SANBR: variants seen among roughly 807,000 people sequenced by gnomAD.
SANBR encodes the protein SANT and BTB domain regulator of class switch recombination.
Under a neutral mutation model 101.8 loss-of-function variants are expected in SANBR, and 77 were observed. That is an observed-to-expected ratio of 0.76 (90% CI 0.63 to 0.91). The LOEUF (loss-of-function observed/expected upper bound fraction) is 0.91, where lower values mean the gene tolerates loss of function less well. SANBR is among the 40% of genes least tolerant of loss of function. SANBR has a pLI of 0.00. For synonymous variants in SANBR, 279 were observed against 274.7 expected, an observed-to-expected ratio of 1.02 and a Z score of -0.15; for missense variants, 875 against 853.0, an observed-to-expected ratio of 1.03 and a Z score of -0.32.
intron 16 of SANBR, among the ~76,000 whole-genome samples, chr2:61,110,298 C>G (rs1683768200): frequency 6.6e-6 from 1 of 152,156 alleles, no homozygotes; most frequent in African/African-American, 2.4e-5. Context: ...AATCCCAGCA[C>G]TTTGGGAAGC....
chr2:61,097,576 A>G, intron 11 of SANBR, 124 bp from the exon 12 acceptor site: 1 of 697,380 alleles, frequency 1.4e-6, no homozygotes, highest in South Asian at 2.0e-5. Context: ...TTGTGTCTGT[A>G]TAGATTGGCT....
At chr2:61,133,583 T>C (rs1177316746) in intron 20 of SANBR, among the ~76,000 whole-genome samples, 7 of 152,048 alleles carry the variant, frequency 4.6e-5, no homozygotes, top group Non-Finnish European at 8.8e-5. Flanking sequence ...CGAGACCCTA[T>C]CTCTACAAAA....
intron 7 of SANBR, among the ~76,000 whole-genome samples, chr2:61,082,502 C>CT (rs1682186892): frequency 6.6e-6 from 1 of 152,124 alleles, no homozygotes; most frequent in African/African-American, 2.4e-5. Context: ...GAAAAGGAGG[C>CT]TTAAAGTTCT....
intron 10 of SANBR, chr2:61,090,439 A>G (rs1682680702): frequency 6.6e-6 from 1 of 152,152 alleles, no homozygotes; most frequent in South Asian, 2.1e-4. Flanking sequence ...ATTTTCCTAC[A>G]TGTCAGCAGT....
In SANBR at chr2:61,118,052, C is replaced by G; in HGVS notation, c.1964C>G (p.Thr655Arg). ...GATCAACGGCGAATGACTGAAATTACAGGGCACCTAATAAAAATGAGATTG... is the reference window on the plus strand; with the variant it reads ...GATCAACGGCGAATGACTGAAATTAGAGGGCACCTAATAAAAATGAGATTG... Reference protein sequence around the residue: ...EDDQRRMTEITGHLIKMRLGD... With the variant: ...EDDQRRMTEIRGHLIKMRLGD... The change falls in exon 20 of 22, where the codon ACA (threonine) becomes AGA (arginine). Residue 655 changes from threonine to arginine, a missense_variant. Transcript: ENST00000402291. 4 of 1,613,406 alleles carry G rather than the reference C, an allele frequency of 2.5e-6. No homozygotes were observed. The highest frequency in any genetic ancestry group is 3.4e-6 in the Non-Finnish European group (4 of 1,179,710).
At chr2:61,089,278 A>G (rs1682615678) in intron 10 of SANBR, 1 of 690,710 alleles carries the variant, frequency 1.4e-6, no homozygotes, top group Admixed American at 6.3e-5. Flanking sequence ...TGGGAGGCCA[A>G]GTCAGGTGGA....
chr2:61,108,442 A>G (rs1018048380), intron 15 of SANBR, 93 bp downstream of exon 15: 1 of 790,890 alleles, frequency 1.3e-6, no homozygotes, highest in Non-Finnish European at 2.0e-6. Flanking sequence ...TTATTTTACA[A>G]ATTTTAGTTA....
At chr2:61,076,344 G>A (rs891466996) in intron 5 of SANBR, among the ~76,000 whole-genome samples, 9 of 149,584 alleles carry the variant, frequency 6.0e-5, no homozygotes, top group Admixed American at 4.6e-4. Context: ...AAGGCTGGGC[G>A]CGGTGGCTCA....
At chr2:61,117,995 G>GA in intron 19 of SANBR, 33 bp from the exon 20 acceptor site, 1 of 1,526,990 alleles carries the variant, frequency 6.5e-7, no homozygotes, top group African/African-American at 1.4e-5. Flanking sequence ...TCATCCTTAT[G>GA]AAAAGTAAAG....
At chr2:61,066,104 C>T (rs1681134321) in intron 1 of SANBR, 77 bp downstream of exon 1, 1 of 152,236 alleles carries the variant, frequency 6.6e-6, no homozygotes, top group South Asian at 2.1e-4. Context: ...CGCTCACAGC[C>T]AGCCGGCTCC....
downstream of SANBR, among the ~76,000 whole-genome samples, chr2:61,125,975 G>C (rs1169041827): frequency 6.6e-6 from 1 of 152,176 alleles, no homozygotes; most frequent in African/African-American, 2.4e-5. Flanking sequence ...TGCCTCACTG[G>C]CAGCTTCTTC....
At chr2:61,122,065 G>C in intron 21 of SANBR, 61 bp from the exon 22 acceptor site, 1 of 1,535,390 alleles carries the variant, frequency 6.5e-7, no homozygotes, top group Non-Finnish European at 8.8e-7. Context: ...ATCTAAAGGA[G>C]CACCAACTTC....
At chr2:61,131,237 A>G (rs1231122484) in intron 20 of SANBR, among the ~76,000 whole-genome samples, 1 of 152,200 alleles carries the variant, frequency 6.6e-6, no homozygotes, top group African/African-American at 2.4e-5. Flanking sequence ...AAATGCATCT[A>G]AATTGGAAAA....
intron 16 of SANBR, 149 bp from the exon 17 acceptor site, chr2:61,115,830 T>C (rs1367589657): frequency 5.7e-6 from 3 of 522,094 alleles, no homozygotes; most frequent in Admixed American, 3.8e-5. Context: ...TCAGCTTTGC[T>C]TCATGGTATA....
intron 19 of SANBR, 148 bp downstream of exon 19, chr2:61,117,688 G>T: frequency 2.9e-6 from 2 of 680,068 alleles, no homozygotes; most frequent in South Asian, 3.7e-5. Context: ...GCAACAACCA[G>T]AGTTTCATTA....
chr2:61,128,492 A>G (rs890900861), downstream of SANBR, among the ~76,000 whole-genome samples: 63 of 151,616 alleles, frequency 4.2e-4, no homozygotes, highest in Non-Finnish European at 6.2e-4. Context: ...TCATCTCTAC[A>G]AATAATTTTT....
chr2:61,076,452 C>T (rs1207502653), intron 5 of SANBR, among the ~76,000 whole-genome samples: 2 of 111,722 alleles, frequency 1.8e-5, no homozygotes, highest in Non-Finnish European at 3.5e-5. Flanking sequence ...CCCCTCTCTA[C>T]TAAAAATACA....
Position 61,103,953 on chromosome 2 carries a change from A to G in SANBR, c.1466A>G (p.Lys489Arg). 1 of 1,614,228 alleles carries G rather than the reference A, an allele frequency of 6.2e-7. No individual in the cohort carries two copies. The highest frequency in any genetic ancestry group is 1.1e-5 in the South Asian group (1 of 91,088). The change falls in exon 13 of 22, where the codon AAG (lysine) becomes AGG (arginine). Residue 489 changes from lysine to arginine, a missense_variant. Physicochemically the swap from Lys to Arg is conservative, Grantham distance 26. Transcript: ENST00000402291. The part of the protein sequence containing the change: ...PTARMLDDLH[K>R]YRDVIVVPFS... ...GCTAGAATGTTGGACGATTTGCACA[A>G]GTACAGAGATGTCATTGTTGTGCCT...
At chr2:61,096,550 C>G (rs949940556) in intron 11 of SANBR, among the ~76,000 whole-genome samples, 1 of 152,132 alleles carries the variant, frequency 6.6e-6, no homozygotes, top group African/African-American at 2.4e-5. Context: ...ACTGAAACTC[C>G]TTAGACAGTG....
Sources: allele counts gnomAD v4.1 joint callset (sites outside exome capture counted in the v4.1 genomes callset), GRCh38; gene constraint gnomAD v4.1.1; transcripts MANE v1.5; gene names NCBI Gene and HGNC (gene_info 2026-07-23, HGNC 2026-07-21).